Variants in DMXL2 observed in about 807,000 individuals in gnomAD.
DMXL2 encodes the protein Dmx like 2.
DMXL2 carries 103 observed loss-of-function variants against 331.1 expected under a neutral mutation model. That is an observed-to-expected ratio of 0.31 (90% CI 0.27 to 0.37). DMXL2 has a LOEUF of 0.37. Ranked by LOEUF, DMXL2 falls within the 10% of genes least tolerant of loss-of-function variation. The probability of loss-of-function intolerance (pLI) is 1.00; values close to 1 mark genes in which losing one functional copy is unlikely to be tolerated. For missense variants in DMXL2, 3,171 were observed against 3,642.9 expected (o/e 0.87, Z 3.33); for synonymous variants, 1,281 against 1,252.1 (o/e 1.02, Z -0.49).
chr15:51,590,557 T>C (rs1484645220), intron 1 of DMXL2, among the ~76,000 whole-genome samples: 2 of 151,328 alleles, frequency 1.3e-5, no homozygotes, highest in East Asian at 3.9e-4. Context: ...CCTTGACTAG[T>C]TCCATTTTAA....
At chr15:51,483,326 C>T (rs1183242779) in intron 23 of DMXL2, among the ~76,000 whole-genome samples, 1 of 152,196 alleles carries the variant, frequency 6.6e-6, no homozygotes, top group Admixed American at 6.5e-5. Context: ...AGTCACTGTA[C>T]CTCTCCAACA....
At chr15:51,556,772 CA>C (rs374286440) in intron 6 of DMXL2, among the ~76,000 whole-genome samples, 9 of 140,614 alleles carry the variant, frequency 6.4e-5, no homozygotes, top group East Asian at 6.1e-4. Flanking sequence ...ATTCTGTCTC[CA>C]AAAAAAAAAG....
intron 13 of DMXL2, among the ~76,000 whole-genome samples, chr15:51,519,127 G>T (rs2047198824): frequency 6.6e-6 from 1 of 151,988 alleles, no homozygotes; most frequent in South Asian, 2.1e-4. Flanking sequence ...CTGCACATAT[G>T]TGTTTTGATG....
intron 1 of DMXL2, among the ~76,000 whole-genome samples, chr15:51,586,280 T>C (rs1395054152): frequency 6.6e-6 from 1 of 151,942 alleles, no homozygotes; most frequent in African/African-American, 2.4e-5. Flanking sequence ...TATCAGAAAA[T>C]GCAAAATTAA....
chr15:51,527,847 T>C (rs2047769076), intron 13 of DMXL2, among the ~76,000 whole-genome samples: 1 of 152,150 alleles, frequency 6.6e-6, no homozygotes, highest in African/African-American at 2.4e-5. Context: ...AAAGACTAAA[T>C]GATGAATCAA....
At chr15:51,528,868 C>T (rs1463781101) in intron 13 of DMXL2, among the ~76,000 whole-genome samples, 1 of 152,108 alleles carries the variant, frequency 6.6e-6, no homozygotes, top group Non-Finnish European at 1.5e-5. Flanking sequence ...GGTCACAAAA[C>T]AAGTCTTAAA....
intron 17 of DMXL2, 91 bp downstream of exon 17, chr15:51,502,715 A>AT: frequency 1.2e-6 from 1 of 816,526 alleles, no homozygotes; most frequent in African/African-American, 1.7e-5. Flanking sequence ...CATAGAACAT[A>AT]TTTCAGAAGA....
intron 1 of DMXL2, among the ~76,000 whole-genome samples, chr15:51,619,396 A>C (rs995664830): frequency 2.0e-5 from 3 of 152,228 alleles, no homozygotes; most frequent in African/African-American, 7.2e-5. Flanking sequence ...ATGTTTAAGG[A>C]AACAGCTGTA....
intron 27 of DMXL2, among the ~76,000 whole-genome samples, 200 bp from the exon 28 acceptor site, chr15:51,474,792 A>C (rs190646050): frequency 1.4e-4 from 22 of 152,336 alleles, no homozygotes; most frequent in African/African-American, 5.3e-4. Context: ...CTGATATAAT[A>C]AATGAGTAGA....
intron 8 of DMXL2, among the ~76,000 whole-genome samples, chr15:51,544,567 T>C (rs149343109): frequency 0.019 from 2,857 of 152,252 alleles, 37 homozygotes; most frequent in Middle Eastern, 0.082. Context: ...CTACTTCACA[T>C]AAAACTTTTA....
rs746427558 is a variant in DMXL2 at position 51,542,413 on chromosome 15, T to C, written c.1025A>G (p.His342Arg). 8 of 1,613,860 alleles carry C rather than the reference T, an allele frequency of 5.0e-6. No homozygotes were observed. The highest frequency in any genetic ancestry group is 2.2e-5 in the East Asian group (1 of 44,846). ...AELMPDQTAMHEVQRHISHHA... is the reference protein window; with the variant it reads ...AELMPDQTAMREVQRHISHHA... ...GTGGGAAATGTGTCTTTGAACTTCA[T>C]GCATTGCTGTCTGGTCGGGCATTAA... Residue 342 changes from histidine to arginine, a missense_variant, in exon 9 of 44, where the codon CAT becomes CGT. His to Arg is a conservative substitution (Grantham distance 29, BLOSUM62 0). Around this residue, in one of 7 missense-constraint regions of DMXL2, gnomAD observed 1,674 missense variants for 1,780.2 expected, o/e 0.94. Transcript: ENST00000560891.
At chr15:51,462,057 C>T (rs188829233) in intron 33 of DMXL2, among the ~76,000 whole-genome samples, 77 of 152,268 alleles carry the variant, frequency 5.1e-4, no homozygotes, top group African/African-American at 1.8e-3. Flanking sequence ...AAGGTCTCTA[C>T]AGTTCATTCT....
intron 3 of DMXL2, 40 bp downstream of exon 3, chr15:51,568,447 A>G: frequency 7.6e-7 from 1 of 1,317,676 alleles, no homozygotes; most frequent in Non-Finnish European, 1.0e-6. Flanking sequence ...TCTAAAGTTA[A>G]CTAGATTCTA....
At chr15:51,530,738 G>A (rs1596143969) in intron 13 of DMXL2, among the ~76,000 whole-genome samples, 1 of 152,128 alleles carries the variant, frequency 6.6e-6, no homozygotes, top group African/African-American at 2.4e-5. Flanking sequence ...CTGGGTGACA[G>A]AGACTCCGTC....
chr15:51,448,224 C>T lies in DMXL2; in HGVS notation c.*760G>A, dbSNP rs776073391. ...ATGTTTGGGTGTTTAACCTTGAATACACGAAAAGAAAAAGTACTAAACTGG... is the reference window on the plus strand; with the variant it reads ...ATGTTTGGGTGTTTAACCTTGAATATACGAAAAGAAAAAGTACTAAACTGG... On this transcript the variant is annotated 3_prime_UTR_variant, in exon 44 of 44. Transcript: ENST00000560891. The T allele has an allele frequency of 1.9e-4, 29 of 152,514 alleles. No individual in the cohort carries two copies. Among genetic ancestry groups the T allele is most frequent in the Admixed American group, 1.8e-3 (27 of 15,270 alleles). The allele number at this position is 152,514 out of a possible 1,614,324, so 9.4% of individuals were successfully genotyped here.
At chr15:51,570,041 T>A (rs933534546) in intron 2 of DMXL2, among the ~76,000 whole-genome samples, 1 of 151,986 alleles carries the variant, frequency 6.6e-6, no homozygotes. Flanking sequence ...GCTAAGAACC[T>A]TGAAAAAAGG....
chr15:51,522,554 G>A (rs562599656), intron 13 of DMXL2, among the ~76,000 whole-genome samples: 2 of 152,188 alleles, frequency 1.3e-5, no homozygotes, highest in African/African-American at 4.8e-5. Flanking sequence ...TGAGGCACAA[G>A]AATCACTTGA....
rs138911498 is a variant in DMXL2 at position 51,500,150 on chromosome 15, C to T, written c.3074G>A (p.Arg1025His). Residue 1025 changes from arginine to histidine, a missense_variant, in exon 18 of 44, where the codon CGC becomes CAC. Coordinates refer to ENST00000560891, the MANE Select transcript of DMXL2 (RefSeq NM_001378457.1). ...VVTTCSDNKVRFWKCCMEANP... is the reference protein window; with the variant it reads ...VVTTCSDNKVHFWKCCMEANP... The stretch of plus-strand genomic sequence containing the variant: ...GGCTTCCATACAACATTTCCAGAAG[C>T]GTACTTTATTGTCAGAACAAGTTGT... 4.3e-6 allele frequency: 7 copies of T among 1,614,004 alleles called. No individual in the cohort carries two copies. The highest frequency in any genetic ancestry group is 3.3e-5 in the South Asian group (3 of 91,086).
intron 4 of DMXL2, 123 bp from the exon 5 acceptor site, chr15:51,564,383 G>T: frequency 3.1e-6 from 2 of 636,588 alleles, no homozygotes; most frequent in Non-Finnish European, 4.7e-6. Context: ...TATCGCCAAC[G>T]AAAAACACTT....
Sources: allele counts gnomAD v4.1 joint callset (sites outside exome capture counted in the v4.1 genomes callset), GRCh38; gene constraint gnomAD v4.1.1; regional missense constraint gnomAD v4.1.1; transcripts MANE v1.5; gene names NCBI Gene and HGNC (gene_info 2026-07-23, HGNC 2026-07-21).